The following PARVB variants were observed in gnomAD, a reference collection of about 807,000 sequenced individuals.
The protein encoded by PARVB is beta-parvin.
Under a neutral mutation model 47.0 loss-of-function variants are expected in PARVB, and 46 were observed. The observed-to-expected ratio is 0.98, with a 90% CI of 0.77 to 1.25. The LOEUF (loss-of-function observed/expected upper bound fraction) is 1.25. Ranked by LOEUF, PARVB falls within the 50% of genes most tolerant of loss-of-function variation. The probability of loss-of-function intolerance (pLI) is 0.00; values close to 1 mark genes in which losing one functional copy is unlikely to be tolerated. For missense variants in PARVB, 473 were observed against 471.6 expected, an observed-to-expected ratio of 1.00 and a Z score of -0.03; for synonymous variants, 196 against 196.3, an observed-to-expected ratio of 1.00 and a Z score of 0.01.
intron 12 of PARVB, among the ~76,000 whole-genome samples, chr22:44,166,455 C>T (rs2054169272): frequency 2.0e-5 from 3 of 152,222 alleles, no homozygotes; most frequent in Admixed American, 2.0e-4. Context: ...GTCCAGAGGC[C>T]AGGATATCCT....
At chr22:44,041,621 C>T (rs909361717) in intron 1 of PARVB, among the ~76,000 whole-genome samples, 3 of 151,866 alleles carry the variant, frequency 2.0e-5, no homozygotes, top group Admixed American at 6.6e-5. Flanking sequence ...CAGTGGTTCA[C>T]GCCTGTAATC....
chr22:44,158,037 T>C lies in PARVB; in HGVS notation c.899T>C (p.Val300Ala). 1 of 1,614,074 alleles carries C rather than the reference T, an allele frequency of 6.2e-7. No individual in the cohort carries two copies. The highest frequency in any genetic ancestry group is 8.5e-7 in the Non-Finnish European group (1 of 1,179,938). Residue 300 changes from valine to alanine, a missense_variant, in exon 11 of 13, where the codon GTT becomes GCT. Transcript: ENST00000338758. ...LLMGLLEDYF[V>A]PLHHFYLTPE... is the part of the protein sequence containing the mutation. The stretch of plus-strand genomic sequence containing the variant: ...ATGGGCCTTCTGGAAGACTACTTTG[T>C]TCCTCTCCACCACTTCTACCTGACT...
chr22:44,099,448 T>C (rs2052388064), intron 2 of PARVB, among the ~76,000 whole-genome samples: 1 of 152,064 alleles, frequency 6.6e-6, no homozygotes, highest in African/African-American at 2.4e-5. Flanking sequence ...GGCTGAAACG[T>C]GGAGGGAAAG....
At chr22:44,031,094 A>G (rs1336031275) in intron 1 of PARVB, among the ~76,000 whole-genome samples, 1 of 152,120 alleles carries the variant, frequency 6.6e-6, no homozygotes, top group Non-Finnish European at 1.5e-5. Context: ...CCACACTGTT[A>G]TCTCTAAACC....
intron 1 of PARVB, 50 bp downstream of exon 1, chr22:44,024,501 C>A: frequency 1.0e-6 from 1 of 1,004,358 alleles, no homozygotes; most frequent in Non-Finnish European, 1.2e-6. Flanking sequence ...CCCGGCGGTG[C>A]CCGCCCTCGG....
intron 1 of PARVB, chr22:44,086,926 C>A (rs1025546627): frequency 1.4e-5 from 10 of 694,182 alleles, no homozygotes; most frequent in African/African-American, 1.4e-4. Context: ...TAAGCCCAAG[C>A]GAAGGATCCC....
Position 44,068,903 on chromosome 22 carries a change from A to C in PARVB, c.113-25025A>C, listed in dbSNP as rs2051591313. ...TCCTGGGGAGCAGTTGCCCTGGCCC[A>C]TGAGGCTGATGGGAGTCAAGACAGA... is the stretch of plus-strand genomic sequence containing the variant. On this transcript the variant is annotated intron_variant, in intron 1 of 12. Transcript: ENST00000338758. The surrounding 1 kb of genome is among the most constrained non-coding windows in gnomAD (Gnocchi z 4.1). Among the ~76,000 whole-genome samples the C allele has an allele frequency of 1.3e-5, 2 of 152,136 alleles. No homozygotes were observed. Among genetic ancestry groups the C allele is most frequent in the Admixed American group, 1.3e-4 (2 of 15,280 alleles).
In PARVB at chr22:44,093,930, A is replaced by T. The variant is rs1307719430; in HGVS notation, c.115A>T (p.Ser39Cys). 5 of 1,611,718 alleles carry T rather than the reference A, an allele frequency of 3.1e-6. No individual in the cohort carries two copies. The East Asian group carries it at 1.1e-4, about 36-fold the overall frequency. Residue 39 changes from serine to cysteine, a missense_variant and splice_region_variant, in exon 2 of 13, where the codon AGT becomes TGT. Transcript: ENST00000338758. ...TTTTCTTTCCTTTTGCTCAACAGTG[A>T]GTGACCTGCAGGAAGAAGGCAAGAA... ...LARKRRAREV[S>C]DLQEEGKNAI...
intron 1 of PARVB, among the ~76,000 whole-genome samples, chr22:44,061,389 T>C (rs2051416248): frequency 6.7e-6 from 1 of 148,402 alleles, no homozygotes; most frequent in Admixed American, 6.9e-5. Flanking sequence ...CGAAGTCACG[T>C]CACTGTACTC....
intron 1 of PARVB, among the ~76,000 whole-genome samples, chr22:44,082,813 G>A (rs141429524): frequency 6.6e-5 from 10 of 152,312 alleles, no homozygotes; most frequent in Admixed American, 2.6e-4. Flanking sequence ...AGAAAAGACC[G>A]TGTTTCTGGG....
chr22:44,027,588 T>C (rs1469685038), intron 1 of PARVB, among the ~76,000 whole-genome samples: 1 of 152,170 alleles, frequency 6.6e-6, no homozygotes, highest in Non-Finnish European at 1.5e-5. Context: ...TTCTATCCCC[T>C]GATTACCTTA....
At chr22:44,071,018 G>T (rs1385132006) in intron 1 of PARVB, among the ~76,000 whole-genome samples, 2 of 152,210 alleles carry the variant, frequency 1.3e-5, no homozygotes, top group African/African-American at 4.8e-5. Flanking sequence ...TGGCCTGGTG[G>T]GGTAGGAGTC....
At chr22:44,007,049 C>T (rs1465606560) in intron 2 of PARVB, among the ~76,000 whole-genome samples, 1 of 152,208 alleles carries the variant, frequency 6.6e-6, no homozygotes, top group Non-Finnish European at 1.5e-5. Flanking sequence ...CCCAGGGACC[C>T]ATAGGAAGCT....
chr22:44,093,868 A>T, intron 1 of PARVB, 60 bp from the exon 2 acceptor site: 1 of 1,036,454 alleles, frequency 9.6e-7, no homozygotes, highest in Non-Finnish European at 1.5e-6. Flanking sequence ...CACAGCCAAC[A>T]TGTGAGGCCA....
chr22:44,142,672 C>G (rs2147191140), intron 8 of PARVB: 1 of 152,244 alleles, frequency 6.6e-6, no homozygotes, highest in East Asian at 1.9e-4. Context: ...AGGTAAGAGC[C>G]AGGTGTCACA....
chr22:44,148,028 A>G (rs2053724928), intron 9 of PARVB, 106 bp downstream of exon 9: 7 of 873,252 alleles, frequency 8.0e-6, no homozygotes, highest in Non-Finnish European at 1.3e-5. Context: ...GGAATCTCAG[A>G]AATGTTTGCC....
intron 2 of PARVB, among the ~76,000 whole-genome samples, chr22:44,099,463 C>T (rs2052388681): frequency 6.6e-6 from 1 of 151,928 alleles, no homozygotes; most frequent in Non-Finnish European, 1.5e-5. Flanking sequence ...GGAAAGCAAA[C>T]AGGTAGAGAA....
At chr22:44,167,271 T>G (rs866588788) in intron 12 of PARVB, among the ~76,000 whole-genome samples, 1 of 151,924 alleles carries the variant, frequency 6.6e-6, no homozygotes, top group African/African-American at 2.4e-5. Flanking sequence ...GGGGTGGGTG[T>G]TTGGGGAGCA....
intron 3 of PARVB, chr22:44,110,499 A>G (rs2052671791): frequency 6.6e-6 from 1 of 152,172 alleles, no homozygotes; most frequent in Admixed American, 6.5e-5. Context: ...GTCAGGTGTG[A>G]AACAGTGGAG....
Sources: allele counts gnomAD v4.1 joint callset (sites outside exome capture counted in the v4.1 genomes callset), GRCh38; gene constraint gnomAD v4.1.1; non-coding constraint Gnocchi (gnomAD v3.1); transcripts MANE v1.5; gene names NCBI Gene and HGNC (gene_info 2026-07-23, HGNC 2026-07-21).